Variants in BBX observed in about 807,000 individuals in gnomAD.
BBX encodes the protein HMG box transcription factor BBX.
Under a neutral mutation model 100.2 loss-of-function variants are expected in BBX, and 30 were observed. The ratio of observed to expected loss-of-function variants is 0.30; its 90% CI spans 0.22 to 0.41. BBX has a LOEUF of 0.41. Ranked by LOEUF, BBX falls within the 10% of genes least tolerant of loss-of-function variation. The probability of loss-of-function intolerance (pLI) is 1.00; values close to 1 mark genes in which losing one functional copy is unlikely to be tolerated. For missense variants in BBX, 1,023 were observed against 1,129.8 expected, an observed-to-expected ratio of 0.91 and a Z score of 1.35; for synonymous variants, 376 against 388.1, an observed-to-expected ratio of 0.97 and a Z score of 0.37.
At chr3:107,659,143 TC>T in intron 3 of BBX, among the ~76,000 whole-genome samples, 1 of 151,906 alleles carries the variant, frequency 6.6e-6, no homozygotes. Flanking sequence ...ATATATTTAA[TC>T]TTCACATCAG....
chr3:107,683,513 T>C (rs1383275926), intron 3 of BBX, among the ~76,000 whole-genome samples: 5 of 152,204 alleles, frequency 3.3e-5, no homozygotes, highest in Non-Finnish European at 7.4e-5. Flanking sequence ...TGCTGATAGA[T>C]GCAATGGTAT....
intron 3 of BBX, among the ~76,000 whole-genome samples, chr3:107,668,442 G>A (rs182342676): frequency 2.4e-4 from 36 of 152,256 alleles, no homozygotes; most frequent in African/African-American, 8.7e-4. Flanking sequence ...GTATAGATGT[G>A]TGTTTCTTAT....
rs1426951 is a variant in BBX, at chr3:107,652,567, T to G, written c.-10+6658T>G. 9.4e-3 allele frequency among the ~76,000 whole-genome samples: 1,434 copies of G among 152,290 alleles called. 30 individuals are homozygous for G. Among genetic ancestry groups the G allele is most frequent in the African/African-American group, 0.033 (1,362 of 41,556 alleles). ...TTACCTGTGTATTTCTTCTTAACAT[T>G]AAGATCAATCTAATGATTGTGAAAT... On this transcript the variant is annotated intron_variant, in intron 3 of 17. Coordinates refer to ENST00000325805, the MANE Select transcript of BBX (RefSeq NM_001142568.3).
chr3:107,689,881 A>C (rs1043999805), intron 3 of BBX, among the ~76,000 whole-genome samples: 22 of 152,146 alleles, frequency 1.4e-4, no homozygotes, highest in Non-Finnish European at 2.5e-4. Flanking sequence ...CTGTGTTCCT[A>C]GTTTGCTTCT....
chr3:107,802,114 A>G (rs1295477168), intron 17 of BBX, among the ~76,000 whole-genome samples: 15 of 152,206 alleles, frequency 9.9e-5, no homozygotes, highest in Admixed American at 9.8e-4. Context: ...TTGTAAATTC[A>G]GGTATTTTAT....
chr3:107,703,965 A>G (rs575835980), intron 3 of BBX, among the ~76,000 whole-genome samples: 36 of 152,274 alleles, frequency 2.4e-4, no homozygotes, highest in African/African-American at 7.9e-4. Flanking sequence ...TGTTTGTTCT[A>G]TAGGAAATAG....
chr3:107,591,063 C>T (rs1261483211), intron 2 of BBX, among the ~76,000 whole-genome samples: 85 of 152,304 alleles, frequency 5.6e-4, no homozygotes, highest in Non-Finnish European at 1.9e-4. Flanking sequence ...TGTGATTTGG[C>T]CAATTTTCTA....
chr3:107,759,127 T>C (rs2065704543), intron 10 of BBX, among the ~76,000 whole-genome samples: 2 of 152,214 alleles, frequency 1.3e-5, no homozygotes, highest in Admixed American at 1.3e-4. Context: ...TGGATTGGCC[T>C]GTACTCCCAA....
intron 2 of BBX, among the ~76,000 whole-genome samples, chr3:107,595,242 A>G (rs1239402752): frequency 6.6e-6 from 1 of 152,244 alleles, no homozygotes. Flanking sequence ...ACCTGGGAAT[A>G]ATAGCAGAGT....
chr3:107,737,449 A>G (rs1379945458), intron 7 of BBX, among the ~76,000 whole-genome samples: 1 of 152,176 alleles, frequency 6.6e-6, no homozygotes, highest in Non-Finnish European at 1.5e-5. Flanking sequence ...TAGGAAGTCC[A>G]AAGTCAGCAG....
chr3:107,747,259 G>T (rs1359336822), intron 8 of BBX, among the ~76,000 whole-genome samples: 2 of 151,962 alleles, frequency 1.3e-5, no homozygotes, highest in Non-Finnish European at 2.9e-5. Context: ...GTTTGTGTTG[G>T]GTGGGAGGAC....
At chr3:107,630,412 T>C (rs956733803) in intron 2 of BBX, among the ~76,000 whole-genome samples, 4 of 151,938 alleles carry the variant, frequency 2.6e-5, no homozygotes, top group South Asian at 2.1e-4. Flanking sequence ...CTTTGCACGA[T>C]GCGAGGGGGG....
chr3:107,685,275 G>A (rs1055439969), intron 3 of BBX, among the ~76,000 whole-genome samples: 11 of 152,266 alleles, frequency 7.2e-5, no homozygotes, highest in African/African-American at 2.4e-4. Flanking sequence ...GTTCTTGTTC[G>A]TGGAATCAGC....
At chr3:107,667,783 A>G (rs1351076176) in intron 3 of BBX, among the ~76,000 whole-genome samples, 1 of 152,090 alleles carries the variant, frequency 6.6e-6, no homozygotes, top group African/African-American at 2.4e-5. Context: ...AAATAGATTT[A>G]TCTATATTAT....
At chr3:107,672,184 T>C (rs925669337) in intron 3 of BBX, among the ~76,000 whole-genome samples, 7 of 152,072 alleles carry the variant, frequency 4.6e-5, no homozygotes, top group Admixed American at 2.6e-4. Context: ...AGACCTTAAG[T>C]ATCTCTTCAC....
intron 3 of BBX, among the ~76,000 whole-genome samples, chr3:107,660,139 GAT>G (rs774665334): frequency 6.6e-6 from 1 of 151,934 alleles, no homozygotes; most frequent in Non-Finnish European, 1.5e-5. Flanking sequence ...ATCTGTGTGT[GAT>G]ATATATAGTA....
chr3:107,728,211 T>G (rs1177401243), intron 5 of BBX, among the ~76,000 whole-genome samples: 1 of 152,220 alleles, frequency 6.6e-6, no homozygotes, highest in Non-Finnish European at 1.5e-5. Flanking sequence ...GGTTACACTT[T>G]ATAAGTAGAG....
At chr3:107,794,556 G>A (rs998581743) in intron 15 of BBX, among the ~76,000 whole-genome samples, 2 of 152,048 alleles carry the variant, frequency 1.3e-5, no homozygotes, top group African/African-American at 4.8e-5. Flanking sequence ...TTTCACACAC[G>A]ATCCACAGTG....
chr3:107,697,083 C>G (rs984697736), intron 3 of BBX, among the ~76,000 whole-genome samples: 1 of 150,474 alleles, frequency 6.6e-6, no homozygotes, highest in South Asian at 2.1e-4. Context: ...ATTGGTTATT[C>G]TAGTTATACA....
Sources: gnomAD v4.1 joint callset for allele counts (sites outside exome capture counted in the v4.1 genomes callset) on GRCh38, gnomAD v4.1.1 for gene constraint, MANE v1.5 for transcripts, NCBI Gene and HGNC (gene_info 2026-07-23, HGNC 2026-07-21) for gene names.